The following FUS variants were observed in gnomAD, a reference collection of about 807,000 sequenced individuals.
FUS encodes the protein RNA-binding protein FUS.
In FUS, 5 loss-of-function variants were observed where a neutral mutation model predicts 82.7. That is an observed-to-expected ratio of 0.06 (90% confidence interval 0.03 to 0.13). The LOEUF is 0.13. FUS is among the 10% of genes least tolerant of loss of function. The pLI is 1.00. For synonymous variants in FUS, 281 were observed against 247.4 expected, an observed-to-expected ratio of 1.14 and a Z score of -1.27; for missense variants, 512 against 707.8, an observed-to-expected ratio of 0.72 and a Z score of 3.14.
At chr16:31,188,505 A>G in intron 8 of FUS, 148 bp downstream of exon 8, 2 of 852,800 alleles carry the variant, frequency 2.3e-6, no homozygotes, top group Non-Finnish European at 3.9e-6. Context: ...TAGCAGTGAG[A>G]AGTATTTGTT....
At chr16:31,193,694 A>G (rs909535473), downstream of FUS, 2 of 532,370 alleles carry the variant, frequency 3.8e-6, no homozygotes, top group Admixed American at 2.2e-5. Context: ...GAGAATGGAT[A>G]GAGACACCTA....
intron 6 of FUS, 105 bp from the exon 7 acceptor site, chr16:31,186,697 C>T (rs2079275567): frequency 1.2e-5 from 13 of 1,099,308 alleles, no homozygotes; most frequent in Admixed American, 8.9e-5. Flanking sequence ...GTATCTTTTT[C>T]CAAAAACACC....
At chr16:31,190,590 A>G in intron 12 of FUS, 152 bp from the exon 13 acceptor site, 3 of 1,168,250 alleles carry the variant, frequency 2.6e-6, no homozygotes, top group Admixed American at 1.7e-5. Context: ...AGTAATACTG[A>G]TTTTTGTTCC....
chr16:31,182,737 G>C, intron 3 of FUS, 73 bp downstream of exon 3: 2 of 1,592,482 alleles, frequency 1.3e-6, no homozygotes, highest in African/African-American at 1.3e-5. Context: ...GTTTTTTGGA[G>C]ACGGAGTCTG....
At chr16:31,194,582 G>A, downstream of FUS, 1 of 498,974 alleles carries the variant, frequency 2.0e-6, no homozygotes, top group Non-Finnish European at 3.9e-6. Context: ...CTGGGATTAA[G>A]GTGTGAGATA....
intron 3 of FUS, 169 bp downstream of exon 3, chr16:31,182,833 C>T (rs2079201402): frequency 1.3e-6 from 1 of 784,678 alleles, no homozygotes. Flanking sequence ...TCTCCTGCCT[C>T]AGCCTCCTGA....
At chr16:31,185,935 A>G in intron 6 of FUS, 2 of 251,398 alleles carry the variant, frequency 8.0e-6, no homozygotes, top group Non-Finnish European at 1.6e-5. Flanking sequence ...ATAAGATTTG[A>G]AGGACCCTAC....
intron 7 of FUS, chr16:31,187,931 G>A: frequency 3.3e-6 from 1 of 305,884 alleles, no homozygotes; most frequent in Non-Finnish European, 6.2e-6. Flanking sequence ...GATGCACATC[G>A]CATGGCTGGT....
At chr16:31,185,477 C>T (rs1419147616) in intron 6 of FUS, 3 of 630,446 alleles carry the variant, frequency 4.8e-6, no homozygotes, top group Admixed American at 4.2e-5. Flanking sequence ...ATATCCTAGG[C>T]AAGAAACATG....
downstream of FUS, chr16:31,191,778 A>G: frequency 1.7e-6 from 1 of 595,748 alleles, no homozygotes; most frequent in South Asian, 1.5e-5. Flanking sequence ...GTCATGGGGA[A>G]AGTTGGTGTA....
chr16:31,180,356 C>T (rs918998354), intron 1 of FUS, 129 bp downstream of exon 1: 8 of 1,227,628 alleles, frequency 6.5e-6, no homozygotes, highest in Non-Finnish European at 6.9e-6. Context: ...GGCGGGAAGC[C>T]GCGGAGAAGA....
chr16:31,191,663 G>C (rs1197369822), downstream of FUS: 2 of 699,970 alleles, frequency 2.9e-6, no homozygotes, highest in African/African-American at 1.7e-5. Flanking sequence ...GATCAGGAAG[G>C]TAGAGAGTTT....
At chr16:31,189,100 C>G in intron 8 of FUS, 23 bp from the exon 9 acceptor site, 19 of 1,565,142 alleles carry the variant, frequency 1.2e-5, no homozygotes, top group Non-Finnish European at 1.7e-5. Context: ...TTCACATTTG[C>G]ATTTTCTCTG....
At chr16:31,188,679 ATGTC>A (rs1243493775) in intron 8 of FUS, 2 of 502,418 alleles carry the variant, frequency 4.0e-6, no homozygotes, top group Non-Finnish European at 7.1e-6. Flanking sequence ...AATGTGGATC[ATGTC>A]CAAGTTGGTG....
chr16:31,192,743 G>A, downstream of FUS: 1 of 479,586 alleles, frequency 2.1e-6, no homozygotes. Flanking sequence ...CCTAGTTTTT[G>A]CATTTTTAGT....
intron 5 of FUS, 42 bp downstream of exon 5, chr16:31,184,438 CTTTTTT>C: frequency 8.3e-6 from 10 of 1,211,970 alleles, no homozygotes; most frequent in Non-Finnish European, 7.9e-6. Flanking sequence ...TTTTCTTTTT[CTTTTTT>C]TTTTTTTTTT....
At chr16:31,194,376 C>T (rs1191673299), downstream of FUS, 1 of 517,162 alleles carries the variant, frequency 1.9e-6, no homozygotes, top group African/African-American at 1.9e-5. Flanking sequence ...GCAACCTCTG[C>T]CTCCCACCCG....
intron 8 of FUS, 162 bp downstream of exon 8, chr16:31,188,519 A>T: frequency 1.3e-6 from 1 of 798,316 alleles, no homozygotes; most frequent in Non-Finnish European, 2.1e-6. Flanking sequence ...ATTTGTTACG[A>T]AGTATTTCTC....
chr16:31,180,538 C>G (rs970906801), intron 1 of FUS, among the ~76,000 whole-genome samples: 1 of 152,196 alleles, frequency 6.6e-6, no homozygotes, highest in Non-Finnish European at 1.5e-5. Flanking sequence ...TCCGTGGCCT[C>G]GCCTCCCCCA....
Sources: allele counts gnomAD v4.1 joint callset (sites outside exome capture counted in the v4.1 genomes callset), GRCh38; gene constraint gnomAD v4.1.1; transcripts MANE v1.5; gene names NCBI Gene and HGNC (gene_info 2026-07-23, HGNC 2026-07-21).